The following MAOA variants were observed in gnomAD, a reference collection of about 807,000 sequenced individuals.
MAOA encodes the protein amine oxidase [flavin-containing] A.
A neutral mutation model predicts 42.0 loss-of-function variants in MAOA; 6 were observed. The ratio of observed to expected loss-of-function variants is 0.14; its 90% CI spans 0.08 to 0.28. The LOEUF (loss-of-function observed/expected upper bound fraction) is 0.28. MAOA is among the 10% of genes least tolerant of loss of function. The pLI is 1.00. For missense variants in MAOA, 262 were observed against 422.3 expected, an observed-to-expected ratio of 0.62 and a Z score of 3.33; for synonymous variants, 140 against 154.0, an observed-to-expected ratio of 0.91 and a Z score of 0.67.
intron 9 of MAOA, 85 bp from the exon 10 acceptor site, chrX:43,736,142 C>A: frequency 1.5e-6 from 1 of 660,033 alleles, no homozygotes. Flanking sequence ...TGAATAGCTA[C>A]AGGTTAAGAA....
intron 5 of MAOA, among the ~76,000 whole-genome samples, chrX:43,713,548 T>C (rs2033715119): frequency 8.9e-6 from 1 of 112,040 alleles, no homozygotes; most frequent in South Asian, 3.7e-4. Flanking sequence ...TCTGTAGTAA[T>C]AAAAATGTTC....
In MAOA at chrX:43,693,408, C is replaced by A; in HGVS notation, c.286C>A (p.Arg96Ser). ...GACTTACAAAGTGAATGTCAGTGAG[C>A]GTCTCGTTCAATATGTCAAGGTAAG... ...IETYKVNVSE[R>S]LVQYVKGKTY... The change falls in exon 3 of 15, where the codon CGT (arginine) becomes AGT (serine). Residue 96 changes from arginine to serine, a missense_variant. Arg to Ser is a moderately radical substitution (Grantham distance 110, BLOSUM62 -1). Coordinates refer to ENST00000338702, the MANE Select transcript of MAOA (RefSeq NM_000240.4). The A allele has an allele frequency of 1.7e-6, 2 of 1,210,204 alleles. No individual in the cohort carries two copies. Among genetic ancestry groups the A allele is most frequent in the Non-Finnish European group, 2.2e-6 (2 of 894,326 alleles).
At chrX:43,695,353 T>C (rs2033569568) in intron 3 of MAOA, among the ~76,000 whole-genome samples, 1 of 111,825 alleles carries the variant, frequency 8.9e-6, no homozygotes, top group Non-Finnish European at 1.9e-5. Flanking sequence ...TTTTAAAAAC[T>C]GGGAAAAACT....
At chrX:43,722,148 CAT>C (rs1205974244) in intron 5 of MAOA, among the ~76,000 whole-genome samples, 2 of 112,021 alleles carry the variant, frequency 1.8e-5, no homozygotes, top group Non-Finnish European at 1.9e-5. Context: ...CTGCAATAAA[CAT>C]ATGTGTGCAT....
intron 3 of MAOA, among the ~76,000 whole-genome samples, chrX:43,701,130 G>A (rs1174323070): frequency 1.8e-5 from 2 of 111,948 alleles, no homozygotes; most frequent in Non-Finnish European, 3.8e-5. Flanking sequence ...AAGATAGCTG[G>A]TAAAAAATAG....
intron 5 of MAOA, among the ~76,000 whole-genome samples, chrX:43,717,012 G>A (rs970963018): frequency 2.7e-5 from 3 of 110,560 alleles, no homozygotes; most frequent in Non-Finnish European, 5.7e-5. Context: ...AGGATGGGGC[G>A]AGACACAAAG....
intron 3 of MAOA, among the ~76,000 whole-genome samples, chrX:43,711,550 T>A (rs2147094067): frequency 8.9e-6 from 1 of 112,363 alleles, no homozygotes; most frequent in East Asian, 2.8e-4. Context: ...TTGAGAATAT[T>A]GTAGCACCAG....
Position 43,728,329 on chromosome X carries a change from T to A in MAOA, c.645+15T>A, listed in dbSNP as rs1239324574. 3 of 1,210,090 alleles carry A rather than the reference T, an allele frequency of 2.5e-6. No individual in the cohort carries two copies. Among genetic ancestry groups the A allele is most frequent in the Non-Finnish European group, 3.4e-6 (3 of 894,037 alleles). On this transcript the variant is annotated intron_variant, in intron 6 of 14. Transcript: ENST00000338702. ...ATGGTGGCCAGGTATGGTGTGTATGTGTCTGTTCTGAAACAAGAGCTTCAT... is the reference window on the plus strand; with the variant it reads ...ATGGTGGCCAGGTATGGTGTGTATGAGTCTGTTCTGAAACAAGAGCTTCAT...
intron 1 of MAOA, among the ~76,000 whole-genome samples, 170 bp downstream of exon 1, chrX:43,656,584 C>T (rs2033181575): frequency 9.0e-6 from 1 of 111,247 alleles, no homozygotes; most frequent in Non-Finnish European, 1.9e-5. Context: ...GCCAGTTTTG[C>T]TGGTGGTGTG....
rs183072121 is a variant in MAOA, at chrX:43,719,373, G to T, written c.503+6577G>T. ...CTGGTGTGACCCGCAGGGGCAGTAG[G>T]TAACAGTGGATTGGGTTTAGAGAGA... On this transcript the variant is annotated intron_variant, in intron 5 of 14. Coordinates refer to ENST00000338702, the MANE Select transcript of MAOA (RefSeq NM_000240.4). 2.0e-4 allele frequency among the ~76,000 whole-genome samples: 22 copies of T among 110,771 alleles called. 1 individual carries two copies. Among genetic ancestry groups the T allele is most frequent in the Non-Finnish European group, 3.2e-4 (17 of 52,839 alleles).
intron 9 of MAOA, among the ~76,000 whole-genome samples, chrX:43,734,108 T>A (rs911100330): frequency 9.3e-6 from 1 of 107,220 alleles, no homozygotes; most frequent in African/African-American, 3.5e-5. Flanking sequence ...GATATAGTGA[T>A]GTCTTCTGCT....
intron 3 of MAOA, among the ~76,000 whole-genome samples, chrX:43,698,412 A>C (rs755365367): frequency 1.8e-5 from 2 of 112,102 alleles, no homozygotes; most frequent in East Asian, 5.6e-4. Context: ...TGTTTCCTCT[A>C]CCTGATCCCT....
chrX:43,655,164 G>GGCACCGGCACCAGTACCC (rs1218895756), upstream of MAOA: 3 of 118,106 alleles, frequency 2.5e-5, no homozygotes, highest in Admixed American at 1.8e-4. Context: ...CACCAGTACC[G>GGCACCGGCACCAGTACCC]GCACCGGCAC....
intron 3 of MAOA, among the ~76,000 whole-genome samples, chrX:43,705,867 T>C (rs2033655557): frequency 1.8e-5 from 2 of 111,980 alleles, no homozygotes; most frequent in Admixed American, 9.5e-5. Context: ...AGATGATCAA[T>C]GTTATTAGTT....
intron 3 of MAOA, among the ~76,000 whole-genome samples, chrX:43,708,562 G>C (rs1159202965): frequency 9.0e-6 from 1 of 111,354 alleles, no homozygotes; most frequent in African/African-American, 3.3e-5. Flanking sequence ...TGTGAAACGA[G>C]AACAGAGAAG....
intron 3 of MAOA, among the ~76,000 whole-genome samples, chrX:43,697,704 TG>T (rs2033591974): frequency 8.9e-6 from 1 of 111,812 alleles, no homozygotes; most frequent in South Asian, 3.8e-4. Context: ...AAAAAAGTAG[TG>T]GGTTGGTTAA....
chrX:43,746,731 T>C lies in MAOA; in HGVS notation c.*2218T>C, dbSNP rs2034001405. 8.9e-6 allele frequency: 1 copy of C among 112,126 alleles called. No homozygotes were observed. Among genetic ancestry groups the C allele is most frequent in the South Asian group, 3.7e-4 (1 of 2,707 alleles). The allele number at this position is 112,126 out of a possible 1,213,427, so 9.2% of individuals were successfully genotyped here. A position where few individuals can be genotyped will look rare whatever the true frequency, so the allele number is the denominator to read the frequency against. On this transcript the variant is annotated 3_prime_UTR_variant, in exon 15 of 15. Coordinates refer to ENST00000338702, the MANE Select transcript of MAOA (RefSeq NM_000240.4). ...TGCCCCAGTGCTACACGTTGGAGTA[T>C]ACCTATGTGTGTGCTTTGCCACTGA...
In MAOA at chrX:43,685,026, C is replaced by G. The variant is rs186061218; in HGVS notation, c.168+1419C>G. 1.7e-3 allele frequency among the ~76,000 whole-genome samples: 180 copies of G among 108,196 alleles called. 2 individuals carry two copies. Among genetic ancestry groups the G allele is most frequent in the African/African-American group, 6.0e-3 (178 of 29,698 alleles). 94.0% of individuals were successfully genotyped at this position (108,196 alleles called of 115,157 possible). A position where few individuals can be genotyped will look rare whatever the true frequency, so the allele number is the denominator to read the frequency against. ...CAGAGTAGCTAGGATTACAGGCACC[C>G]CCCCCACCACGCCAGCCAATTTTGT... On this transcript the variant is annotated intron_variant, in intron 2 of 14. Transcript: ENST00000338702.
chrX:43,732,445 A>G (rs2147103349), intron 8 of MAOA, among the ~76,000 whole-genome samples: 1 of 110,495 alleles, frequency 9.1e-6, no homozygotes, highest in South Asian at 3.9e-4. Context: ...TTATCTTACC[A>G]TTTTTGTCAT....
Sources: allele counts gnomAD v4.1 joint callset (sites outside exome capture counted in the v4.1 genomes callset), GRCh38; gene constraint gnomAD v4.1.1; transcripts MANE v1.5; gene names NCBI Gene and HGNC (gene_info 2026-07-23, HGNC 2026-07-21).